The following SH3PXD2A variants were observed in gnomAD, a reference collection of about 807,000 sequenced individuals.
SH3PXD2A encodes the protein SH3 and PX domain-containing protein 2A.
Under a neutral mutation model 115.2 loss-of-function variants are expected in SH3PXD2A, and 32 were observed. The observed-to-expected ratio is 0.28, with a 90% CI of 0.21 to 0.37. SH3PXD2A has a LOEUF of 0.37. SH3PXD2A is among the 10% of genes least tolerant of loss of function. SH3PXD2A has a pLI of 1.00. For synonymous variants in SH3PXD2A, 610 were observed against 629.1 expected (o/e 0.97, Z 0.45); for missense variants, 1,328 against 1,498.7 (o/e 0.89, Z 1.88).
At chr10:103,791,405 G>A (rs2039035007) in intron 2 of SH3PXD2A, among the ~76,000 whole-genome samples, 1 of 152,200 alleles carries the variant, frequency 6.6e-6, no homozygotes, top group Admixed American at 6.5e-5. Flanking sequence ...GTCCTCAACT[G>A]TATAGGAAAG....
chr10:103,769,094 G>A (rs949298419), intron 2 of SH3PXD2A, among the ~76,000 whole-genome samples: 3 of 151,708 alleles, frequency 2.0e-5, no homozygotes, highest in Non-Finnish European at 4.4e-5. Flanking sequence ...GACTTGGGGG[G>A]AACAAATATC....
intron 5 of SH3PXD2A, among the ~76,000 whole-genome samples, chr10:103,718,838 A>G (rs1328221742): frequency 6.6e-6 from 1 of 151,652 alleles, no homozygotes; most frequent in Non-Finnish European, 1.5e-5. Flanking sequence ...TTCCAAGAAC[A>G]CACTGCTAGG....
In SH3PXD2A at chr10:103,657,338, G is replaced by A. The variant is rs532722675; in HGVS notation, c.604+3645C>T. Among the ~76,000 whole-genome samples the A allele has an allele frequency of 4.6e-5, 7 of 152,284 alleles. No individual in the cohort carries two copies. The East Asian group carries it at 1.4e-3, about 29-fold the overall frequency. On this transcript the variant is annotated intron_variant, in intron 8 of 14. Transcript: ENST00000369774. Reference sequence around the variant, plus strand: ...TCAACACACAAATCAGAGTGACCAGGACCCTGATGTCACCACGCTGCCAGA... The same window carrying A: ...TCAACACACAAATCAGAGTGACCAGAACCCTGATGTCACCACGCTGCCAGA...
chr10:103,611,059 A>G (rs1303320425), intron 13 of SH3PXD2A, among the ~76,000 whole-genome samples: 1 of 152,166 alleles, frequency 6.6e-6, no homozygotes, highest in Non-Finnish European at 1.5e-5. Flanking sequence ...CCCCACCCAC[A>G]TGAACCAGGG....
chr10:103,796,345 A>G (rs894792781), intron 2 of SH3PXD2A, among the ~76,000 whole-genome samples: 16 of 151,578 alleles, frequency 1.1e-4, no homozygotes, highest in African/African-American at 3.6e-4. Flanking sequence ...CCTGGGCGAC[A>G]CAGCGAGACC....
chr10:103,824,593 C>T (rs2039411360), intron 1 of SH3PXD2A, among the ~76,000 whole-genome samples: 1 of 152,202 alleles, frequency 6.6e-6, no homozygotes, highest in South Asian at 2.1e-4. Context: ...GAGGACATTT[C>T]ACATAGCCCC....
chr10:103,830,595 T>C (rs1012555594), intron 1 of SH3PXD2A, among the ~76,000 whole-genome samples: 1 of 152,136 alleles, frequency 6.6e-6, no homozygotes, highest in Non-Finnish European at 1.5e-5. Flanking sequence ...TCAGCGTCCA[T>C]CAAGAGGGAG....
At chr10:103,748,978 T>A (rs1436819481) in intron 3 of SH3PXD2A, among the ~76,000 whole-genome samples, 1 of 151,768 alleles carries the variant, frequency 6.6e-6, no homozygotes, top group African/African-American at 2.4e-5. Flanking sequence ...CTTCTTTCTT[T>A]TTTTTTTTTG....
chr10:103,838,650 C>A (rs796712496), intron 1 of SH3PXD2A, among the ~76,000 whole-genome samples: 2 of 152,274 alleles, frequency 1.3e-5, no homozygotes, highest in East Asian at 3.9e-4. Context: ...GCCAGGGAGG[C>A]AAAACAGCAC....
chr10:103,820,461 G>A (rs1012267423), intron 1 of SH3PXD2A, among the ~76,000 whole-genome samples: 15 of 152,134 alleles, frequency 9.9e-5, no homozygotes, highest in Admixed American at 6.5e-4. Context: ...CCAATTCCCC[G>A]GTTCCTCATC....
Position 103,855,393 on chromosome 10 carries a change from G to A in SH3PXD2A, c.-127C>T. The A allele has an allele frequency of 1.6e-6, 1 of 629,114 alleles. No individual in the cohort carries two copies. Among genetic ancestry groups the A allele is most frequent in the Non-Finnish European group, 2.4e-6 (1 of 409,324 alleles). 39.0% of individuals were successfully genotyped at this position (629,114 alleles called of 1,614,324 possible). ...ACCCCGGCCCGGCGCGCCGAACGCT[G>A]CCCGGACTCCCGGCGCCCACAGGTC... On this transcript the variant is annotated 5_prime_UTR_variant, in exon 1 of 15. Coordinates refer to ENST00000369774, the MANE Select transcript of SH3PXD2A (RefSeq NM_001394015.1).
At chr10:103,726,492 C>T (rs549950680) in intron 4 of SH3PXD2A, among the ~76,000 whole-genome samples, 59 of 152,280 alleles carry the variant, frequency 3.9e-4, no homozygotes, top group African/African-American at 8.2e-4. Flanking sequence ...CATGCAGGCG[C>T]GATTTTAGTC....
intron 2 of SH3PXD2A, among the ~76,000 whole-genome samples, chr10:103,788,796 C>T (rs958811587): frequency 2.6e-5 from 4 of 152,118 alleles, no homozygotes; most frequent in African/African-American, 4.8e-5. Context: ...GCAGGAGAAT[C>T]GCTTGAACCC....
intron 1 of SH3PXD2A, among the ~76,000 whole-genome samples, chr10:103,818,973 G>A (rs1339545863): frequency 6.6e-6 from 1 of 152,172 alleles, no homozygotes; most frequent in East Asian, 1.9e-4. Flanking sequence ...AATCATTCTT[G>A]ACTGGATTAC....
chr10:103,749,806 T>A (rs1210642140), intron 3 of SH3PXD2A: 2 of 152,256 alleles, frequency 1.3e-5, no homozygotes. Flanking sequence ...GGAAGCCAGC[T>A]TCCATGTTGT....
At chr10:103,822,171 A>G (rs987638481) in intron 1 of SH3PXD2A, among the ~76,000 whole-genome samples, 26 of 152,242 alleles carry the variant, frequency 1.7e-4, no homozygotes. Flanking sequence ...GATTACAGGC[A>G]TGAGCCACTG....
Position 103,603,670 on chromosome 10 carries a change from C to A in SH3PXD2A, c.1548G>T (p.Thr516=). Residue 516 remains threonine, a synonymous_variant, in exon 15 of 15, where the codon ACG becomes ACT. Transcript: ENST00000369774. ...KKPNLSRRTS[T]LTRPKVPPPA... ...GCGGGGGCACCTTGGGCCGGGTCAG[C>A]GTGCTTGTGCGGCGGCTCAGGTTGG... 1 of 1,606,658 alleles carries A rather than the reference C, an allele frequency of 6.2e-7. No homozygotes were observed. The highest frequency in any genetic ancestry group is 8.5e-7 in the Non-Finnish European group (1 of 1,177,330).
rs541414720 is a variant in SH3PXD2A, at chr10:103,784,700, G to C, written c.153+16582C>G. ...GGGTGCAGTGAGGAGGCAGGAGGATGGGTCTGCTGGGGTGGAGGAGGAAGA... is the reference window on the plus strand; with the variant it reads ...GGGTGCAGTGAGGAGGCAGGAGGATCGGTCTGCTGGGGTGGAGGAGGAAGA... On this transcript the variant is annotated intron_variant, in intron 2 of 14. Transcript: ENST00000369774. This position sits in a 1 kb window ranked among gnomAD's most constrained non-coding sequence, Gnocchi z 4.4. 4.0e-4 allele frequency among the ~76,000 whole-genome samples: 61 copies of C among 152,108 alleles called. No homozygotes were observed. Among genetic ancestry groups the C allele is most frequent in the African/African-American group, 1.4e-3 (60 of 41,476 alleles).
At chr10:103,702,596 C>CGTGTGCGTGTGTGTGT (rs1554913265) in intron 5 of SH3PXD2A, among the ~76,000 whole-genome samples, 3 of 147,448 alleles carry the variant, frequency 2.0e-5, no homozygotes, top group African/African-American at 7.6e-5. Flanking sequence ...TGTGTGTGTG[C>CGTGTGCGTGTGTGTGT]GTGTGTGTGT....
Sources: gnomAD v4.1 joint callset for allele counts (sites outside exome capture counted in the v4.1 genomes callset) on GRCh38, gnomAD v4.1.1 for gene constraint, Gnocchi (gnomAD v3.1) non-coding constraint, MANE v1.5 for transcripts, NCBI Gene and HGNC (gene_info 2026-07-23, HGNC 2026-07-21) for gene names.